The following DSC3 variants were observed in gnomAD, a reference collection of about 807,000 sequenced individuals.
The protein encoded by DSC3 is desmocollin-3.
A neutral mutation model predicts 89.5 loss-of-function variants in DSC3; 97 were observed. That is an observed-to-expected ratio of 1.08 (90% CI 0.92 to 1.28). The LOEUF (loss-of-function observed/expected upper bound fraction) is 1.28. Among genes scored for constraint, DSC3 ranks in the 50% most tolerant of loss-of-function variants. DSC3 has a pLI of 0.00. For missense variants in DSC3, 1,199 were observed against 1,085.3 expected, an observed-to-expected ratio of 1.10 and a Z score of -1.47; for synonymous variants, 436 against 384.1, an observed-to-expected ratio of 1.14 and a Z score of -1.58.
In DSC3 at chr18:30,993,161, G is replaced by C. The variant is rs567874997; in HGVS notation, c.*1014C>G. 9.2e-5 allele frequency: 14 copies of C among 152,274 alleles called. No individual in the cohort carries two copies. The highest frequency in any genetic ancestry group is 3.4e-4 in the African/African-American group (14 of 41,538). 9.4% of individuals were successfully genotyped at this position (152,274 alleles called of 1,614,324 possible). On this transcript the variant is annotated 3_prime_UTR_variant, in exon 16 of 16. Transcript: ENST00000360428. ...AACAGCAATAGAGGATTTAACTTCA[G>C]TAAAGGTAAGTTTTAAAATGTTTTT...
At chr18:31,037,296 A>G (rs1484627498) in intron 1 of DSC3, among the ~76,000 whole-genome samples, 1 of 152,198 alleles carries the variant, frequency 6.6e-6, no homozygotes, top group East Asian at 1.9e-4. Context: ...TACTTTTATT[A>G]GTTCTAGTAT....
chr18:30,999,460 A>AC (rs1387713172), intron 14 of DSC3, among the ~76,000 whole-genome samples: 1 of 150,996 alleles, frequency 6.6e-6, no homozygotes, highest in African/African-American at 2.4e-5. Flanking sequence ...AAAAAAAAAA[A>AC]CCCTCCTAAT....
At chr18:31,012,667 TG>T (rs1266659368) in intron 9 of DSC3, among the ~76,000 whole-genome samples, 1 of 152,186 alleles carries the variant, frequency 6.6e-6, no homozygotes, top group Admixed American at 6.5e-5. Context: ...TTTAATTCAA[TG>T]TTTTTTGGGA....
intron 5 of DSC3, among the ~76,000 whole-genome samples, chr18:31,025,130 G>C (rs1394358939): frequency 1.3e-5 from 2 of 152,054 alleles, no homozygotes; most frequent in African/African-American, 2.4e-5. Context: ...TTTTTTGTAG[G>C]AACAGAATCT....
chr18:31,014,685 G>A lies in DSC3; in HGVS notation c.1263+3386C>T, dbSNP rs866253114. ...ATTATTGTTAATTTGTGTTTAACATGAAGTATGAATTTGAGAATATAATTA... is the reference window on the plus strand; with the variant it reads ...ATTATTGTTAATTTGTGTTTAACATAAAGTATGAATTTGAGAATATAATTA... On this transcript the variant is annotated intron_variant, in intron 9 of 15. Transcript: ENST00000360428. 5.9e-5 allele frequency among the ~76,000 whole-genome samples: 9 copies of A among 152,130 alleles called. No individual in the cohort carries two copies. The South Asian group carries it at 1.9e-3, about 31-fold the overall frequency.
chr18:31,016,408 G>A (rs1001906700), intron 9 of DSC3, among the ~76,000 whole-genome samples: 2 of 152,226 alleles, frequency 1.3e-5, no homozygotes, highest in Non-Finnish European at 2.9e-5. Context: ...CCTGCATCAG[G>A]AGGAAGAGGG....
intron 14 of DSC3, among the ~76,000 whole-genome samples, chr18:30,997,647 G>A (rs1017410614): frequency 1.3e-5 from 2 of 152,132 alleles, no homozygotes; most frequent in Non-Finnish European, 2.9e-5. Context: ...ATAGTCTCTC[G>A]ATGGCTCCAA....
chr18:31,009,513 GC>G (rs1984986455), intron 9 of DSC3, among the ~76,000 whole-genome samples: 1 of 152,064 alleles, frequency 6.6e-6, no homozygotes, highest in South Asian at 2.1e-4. Flanking sequence ...ATCCATCCAT[GC>G]CCACTACCTG....
intron 4 of DSC3, among the ~76,000 whole-genome samples, chr18:31,028,084 G>A (rs1185139064): frequency 6.6e-6 from 1 of 152,004 alleles, no homozygotes; most frequent in African/African-American, 2.4e-5. Flanking sequence ...AAAGTTTTAA[G>A]TATTCATGAA....
At chr18:31,020,856 T>G (rs973895891) in intron 7 of DSC3, among the ~76,000 whole-genome samples, 1 of 152,056 alleles carries the variant, frequency 6.6e-6, no homozygotes, top group Non-Finnish European at 1.5e-5. Flanking sequence ...GTGGGAGGAT[T>G]GTTTGAGCCC....
chr18:31,008,686 G>A (rs889472668), intron 9 of DSC3, among the ~76,000 whole-genome samples, 161 bp from the exon 10 acceptor site: 12 of 152,172 alleles, frequency 7.9e-5, no homozygotes, highest in African/African-American at 2.7e-4. Context: ...AGTGGATCCC[G>A]TGCTAAGCCT....
At chr18:31,022,964 C>A (rs1985474426) in intron 6 of DSC3, among the ~76,000 whole-genome samples, 1 of 152,128 alleles carries the variant, frequency 6.6e-6, no homozygotes, top group Admixed American at 6.5e-5. Context: ...TCCAGCCTCT[C>A]CTTTCTATAA....
Position 30,996,828 on chromosome 18 carries a change from G to A in DSC3, c.2456C>T (p.Ser819Leu), listed in dbSNP as rs1019020381. The A allele has an allele frequency of 1.5e-5, 24 of 1,613,030 alleles. No homozygotes were observed. The highest frequency in any genetic ancestry group is 4.4e-5 in the South Asian group (4 of 91,034). Residue 819 changes from serine (S) to leucine (L), a missense_variant, in exon 15 of 16, where the codon TCG becomes TTG. By Grantham distance (145) the Ser-to-Leu change is moderately radical (BLOSUM62 -2). Coordinates refer to ENST00000360428, the MANE Select transcript of DSC3 (RefSeq NM_001941.5). The stretch of plus-strand genomic sequence containing the variant: ...GGGTTGAGTAAAACTGTGCCACTCC[G>A]AGTAAGTGTATCTGCAGTTGTCCAC... ...TEVDNCRYTY[S>L]EWHSFTQPRL...
intron 1 of DSC3, among the ~76,000 whole-genome samples, chr18:31,032,957 T>C (rs1985850650): frequency 6.6e-6 from 1 of 152,058 alleles, no homozygotes; most frequent in African/African-American, 2.4e-5. Flanking sequence ...TAAAAAACTG[T>C]CTAAATAAAT....
chr18:31,007,951 T>C, intron 11 of DSC3, 65 bp downstream of exon 11: 1 of 1,411,168 alleles, frequency 7.1e-7, no homozygotes, highest in Non-Finnish European at 9.9e-7. Context: ...TAAATCTGCA[T>C]AAGAATAATT....
At chr18:31,007,434 T>C (rs1002845943) in intron 11 of DSC3, among the ~76,000 whole-genome samples, 6 of 152,294 alleles carry the variant, frequency 3.9e-5, no homozygotes, top group Non-Finnish European at 8.8e-5. Flanking sequence ...CACATGTTAG[T>C]AAGCAGTAAA....
chr18:31,036,938 G>A (rs1304488798), intron 1 of DSC3, among the ~76,000 whole-genome samples: 3 of 151,508 alleles, frequency 2.0e-5, no homozygotes, highest in Admixed American at 6.6e-5. Flanking sequence ...GATTACAGGC[G>A]CCTGCCACCA....
chr18:31,027,570 C>T (rs1598548573), intron 4 of DSC3, among the ~76,000 whole-genome samples: 1 of 151,648 alleles, frequency 6.6e-6, no homozygotes, highest in East Asian at 2.0e-4. Flanking sequence ...AAATAAGATA[C>T]AGATCAATCT....
At chr18:31,002,700 C>CAAA (rs78660458) in intron 13 of DSC3, among the ~76,000 whole-genome samples, 1 of 87,098 alleles carries the variant, frequency 1.1e-5, no homozygotes, top group Non-Finnish European at 2.5e-5. Flanking sequence ...AACTCTGCCT[C>CAAA]AAAAAAAAAA....
Sources: allele counts gnomAD v4.1 joint callset (sites outside exome capture counted in the v4.1 genomes callset), GRCh38; gene constraint gnomAD v4.1.1; transcripts MANE v1.5; gene names NCBI Gene and HGNC (gene_info 2026-07-23, HGNC 2026-07-21).